LTBP1: variants seen among roughly 807,000 people sequenced by gnomAD.
The protein encoded by LTBP1 is latent transforming growth factor beta binding protein 1.
Under a neutral mutation model 207.6 loss-of-function variants are expected in LTBP1, and 129 were observed. That is an observed-to-expected ratio of 0.62 (90% confidence interval 0.54 to 0.72). LTBP1 has a LOEUF of 0.72. LTBP1 is among the 30% of genes least tolerant of loss of function. The pLI is 0.00. For synonymous variants in LTBP1, 963 were observed against 833.7 expected (o/e 1.16, Z -2.67); for missense variants, 2,281 against 2,217.2 (o/e 1.03, Z -0.58).
intron 3 of LTBP1, among the ~76,000 whole-genome samples, chr2:33,090,839 G>A (rs1025315447): frequency 2.3e-4 from 35 of 152,204 alleles, no homozygotes; most frequent in African/African-American, 8.4e-4. Context: ...GCAAGGAGAG[G>A]GAAGGCACTT....
intron 10 of LTBP1, among the ~76,000 whole-genome samples, chr2:33,250,846 C>G (rs1366090006): frequency 6.6e-6 from 1 of 152,186 alleles, no homozygotes; most frequent in African/African-American, 2.4e-5. Flanking sequence ...TGGCACTCAC[C>G]TGTATATACC....
chr2:33,333,157 A>G (rs1459000177), intron 24 of LTBP1: 2 of 152,096 alleles, frequency 1.3e-5, no homozygotes, highest in East Asian at 3.9e-4. Flanking sequence ...ACATTTTTTC[A>G]CCTTTAATAC....
chr2:33,374,384 A>C lies in LTBP1; in HGVS notation c.4711+8881A>C, dbSNP rs138832247. The stretch of plus-strand genomic sequence containing the variant: ...GAGACCTCTTCGTGAGGTTATGATA[A>C]TTAATACAATCACTATGAAAGCATT... On this transcript the variant is annotated intron_variant, in intron 31 of 33. Coordinates refer to ENST00000404816, the MANE Select transcript of LTBP1 (RefSeq NM_206943.4). Among the ~76,000 whole-genome samples the C allele has an allele frequency of 4.1e-4, 62 of 152,306 alleles. 1 individual carries two copies. The highest frequency in any genetic ancestry group is 1.5e-3 in the African/African-American group (62 of 41,540).
intron 5 of LTBP1, among the ~76,000 whole-genome samples, chr2:33,141,253 A>G (rs528933713): frequency 3.3e-4 from 50 of 152,328 alleles, no homozygotes; most frequent in Admixed American, 2.6e-4. Context: ...AAGTTCAAAG[A>G]GAAAGTAGAA....
chr2:33,243,839 T>C, intron 10 of LTBP1, 55 bp downstream of exon 10: 1 of 1,601,026 alleles, frequency 6.2e-7, no homozygotes, highest in South Asian at 1.1e-5. Flanking sequence ...TTGGGGTTTT[T>C]CCAAAAGAAC....
chr2:33,096,284 C>T (rs945852610), intron 3 of LTBP1, among the ~76,000 whole-genome samples: 15 of 151,920 alleles, frequency 9.9e-5, no homozygotes, highest in Non-Finnish European at 2.1e-4. Context: ...AAAGAAAAAT[C>T]CTCCAAAAAT....
intron 3 of LTBP1, among the ~76,000 whole-genome samples, chr2:33,052,128 T>C (rs997276829): frequency 1.3e-5 from 2 of 152,142 alleles, no homozygotes; most frequent in East Asian, 1.9e-4. Flanking sequence ...CTGTCCAGAG[T>C]TTTGAGACTT....
intron 3 of LTBP1, among the ~76,000 whole-genome samples, chr2:33,089,188 A>G (rs535116298): frequency 1.3e-5 from 2 of 151,556 alleles, no homozygotes; most frequent in Admixed American, 6.6e-5. Flanking sequence ...AAAGAAAAAG[A>G]AAAGAAGAAA....
intron 19 of LTBP1, among the ~76,000 whole-genome samples, chr2:33,285,190 C>T (rs539123679): frequency 1.9e-4 from 29 of 150,176 alleles, no homozygotes; most frequent in African/African-American, 5.9e-4. Flanking sequence ...TACAGGTGCC[C>T]GCCACCACGC....
intron 7 of LTBP1, among the ~76,000 whole-genome samples, chr2:33,216,444 G>A (rs1267232618): frequency 6.6e-6 from 1 of 152,140 alleles, no homozygotes. Context: ...GGTGGATGGG[G>A]ACAAGAGATT....
intron 7 of LTBP1, among the ~76,000 whole-genome samples, chr2:33,197,192 A>G (rs1008637130): frequency 5.3e-5 from 8 of 152,206 alleles, no homozygotes; most frequent in Non-Finnish European, 1.5e-5. Context: ...AAAGAACAGA[A>G]ATTGATCTCA....
At chr2:33,339,680 T>C (rs2094593659) in intron 24 of LTBP1, among the ~76,000 whole-genome samples, 2 of 152,036 alleles carry the variant, frequency 1.3e-5, no homozygotes, top group African/African-American at 2.4e-5. Flanking sequence ...AGTTTCGCTC[T>C]TGTTGCCCAG....
At chr2:33,090,379 A>G (rs1224950250) in intron 3 of LTBP1, among the ~76,000 whole-genome samples, 4 of 152,026 alleles carry the variant, frequency 2.6e-5, no homozygotes. Flanking sequence ...TGGGGATCTG[A>G]TGTATGGTAT....
At chr2:33,208,165 A>C (rs982489257) in intron 7 of LTBP1, among the ~76,000 whole-genome samples, 1 of 152,366 alleles carries the variant, frequency 6.6e-6, no homozygotes, top group Admixed American at 6.5e-5. Context: ...CCAGAATGTT[A>C]GAGTAATGTG....
chr2:33,134,735 T>G lies in LTBP1; in HGVS notation c.1034-58T>G. On this transcript the variant is annotated intron_variant, in intron 4 of 33. Coordinates refer to ENST00000404816, the MANE Select transcript of LTBP1 (RefSeq NM_206943.4). This position sits in a 1 kb window ranked among gnomAD's most constrained non-coding sequence, Gnocchi z 4.4. ...GTTTTTTTAAACCTTCCAAGGCAAGTTCATGGATACTAAGCTGATGTGTTT... is the reference window on the plus strand; with the variant it reads ...GTTTTTTTAAACCTTCCAAGGCAAGGTCATGGATACTAAGCTGATGTGTTT... 6.2e-7 allele frequency: 1 copy of G among 1,613,892 alleles called. No homozygotes were observed. The highest frequency in any genetic ancestry group is 8.5e-7 in the Non-Finnish European group (1 of 1,179,944).
At chr2:33,033,403 C>A (rs1005481752) in intron 3 of LTBP1, among the ~76,000 whole-genome samples, 2 of 152,144 alleles carry the variant, frequency 1.3e-5, no homozygotes, top group Admixed American at 6.5e-5. Flanking sequence ...GTGCACCAGG[C>A]ACCCTTCTGA....
intron 4 of LTBP1, among the ~76,000 whole-genome samples, chr2:33,126,747 G>A (rs2081460752): frequency 6.6e-6 from 1 of 152,158 alleles, no homozygotes; most frequent in South Asian, 2.1e-4. Flanking sequence ...TATTGAGTTT[G>A]GCCGTAGTCC....
chr2:33,360,788 C>CCGCTT lies in LTBP1; in HGVS notation c.4183+10_4183+14dup. On this transcript the variant is annotated intron_variant, in intron 27 of 33. Transcript: ENST00000404816. ...CCCGGTCTTGGGAACTGGTAAGAAT[C>CCGCTT]CGCTTAGTGGTAGAGTCACACTTGT... 6.2e-7 allele frequency: 1 copy of CCGCTT among 1,613,116 alleles called. No individual in the cohort carries two copies. Among genetic ancestry groups the CCGCTT allele is most frequent in the Non-Finnish European group, 8.5e-7 (1 of 1,179,190 alleles).
At chr2:33,329,489 C>T (rs1455986409) in intron 24 of LTBP1, among the ~76,000 whole-genome samples, 1 of 152,062 alleles carries the variant, frequency 6.6e-6, no homozygotes. Flanking sequence ...CATTAAGGTA[C>T]TGTTATGTTG....
Sources: allele counts gnomAD v4.1 joint callset (sites outside exome capture counted in the v4.1 genomes callset), GRCh38; gene constraint gnomAD v4.1.1; non-coding constraint Gnocchi (gnomAD v3.1); transcripts MANE v1.5; gene names NCBI Gene and HGNC (gene_info 2026-07-23, HGNC 2026-07-21).